The following CCSER1 variants were observed in gnomAD, a reference collection of about 807,000 sequenced individuals.
The protein encoded by CCSER1 is serine-rich coiled-coil domain-containing protein 1.
Under a neutral mutation model 82.0 loss-of-function variants are expected in CCSER1, and 41 were observed. The observed-to-expected ratio is 0.50, with a 90% CI of 0.39 to 0.65. CCSER1 has a LOEUF of 0.65. Among genes scored for constraint, CCSER1 ranks in the 30% least tolerant of loss-of-function variants. The pLI, the probability that CCSER1 is intolerant of heterozygous loss-of-function variation, is 0.00. For synonymous variants in CCSER1, 414 were observed against 383.9 expected (o/e 1.08, Z -0.92); for missense variants, 1,119 against 1,064.2 (o/e 1.05, Z -0.72).
chr4:90,620,374 C>G (rs1365091644), intron 5 of CCSER1, among the ~76,000 whole-genome samples: 1 of 151,990 alleles, frequency 6.6e-6, no homozygotes, highest in Non-Finnish European at 1.5e-5. Context: ...CTTGAGCTTT[C>G]CTATATATTA....
chr4:90,986,972 C>T (rs1457702209), intron 9 of CCSER1, among the ~76,000 whole-genome samples: 2 of 151,424 alleles, frequency 1.3e-5, no homozygotes, highest in South Asian at 2.1e-4. Flanking sequence ...GGGTTAGACA[C>T]GTACTGTACA....
chr4:90,330,154 C>T (rs1389328804), intron 3 of CCSER1, among the ~76,000 whole-genome samples: 1 of 152,118 alleles, frequency 6.6e-6, no homozygotes, highest in African/African-American at 2.4e-5. Context: ...TTGTAACACA[C>T]TCGAGTTTTT....
intron 9 of CCSER1, among the ~76,000 whole-genome samples, chr4:91,057,412 A>T (rs1743548707): frequency 6.6e-6 from 1 of 152,126 alleles, no homozygotes; most frequent in Non-Finnish European, 1.5e-5. Flanking sequence ...GTCGTTCCAG[A>T]ATCCTCCCTT....
intron 4 of CCSER1, among the ~76,000 whole-genome samples, chr4:90,432,076 G>A (rs1343846672): frequency 1.3e-5 from 2 of 152,028 alleles, no homozygotes; most frequent in Admixed American, 6.6e-5. Flanking sequence ...GAATAAATGT[G>A]TTCTGGCACA....
chr4:90,238,431 A>G (rs187504652), intron 1 of CCSER1, among the ~76,000 whole-genome samples: 21 of 152,348 alleles, frequency 1.4e-4, no homozygotes, highest in African/African-American at 4.3e-4. Flanking sequence ...TACAAATGGT[A>G]TTGAAGACTC....
At chr4:90,638,908 C>A (rs1382799295) in intron 6 of CCSER1, among the ~76,000 whole-genome samples, 1 of 152,048 alleles carries the variant, frequency 6.6e-6, no homozygotes, top group African/African-American at 2.4e-5. Flanking sequence ...AATCTCACTT[C>A]TGCCATTGTA....
At chr4:90,364,901 A>G (rs1166399897) in intron 3 of CCSER1, among the ~76,000 whole-genome samples, 6 of 151,518 alleles carry the variant, frequency 4.0e-5, no homozygotes. Context: ...TTTTTTTTTC[A>G]TTAATCCATA....
chr4:90,277,991 C>A (rs964775023), intron 1 of CCSER1, among the ~76,000 whole-genome samples: 3 of 151,882 alleles, frequency 2.0e-5, no homozygotes, highest in African/African-American at 7.3e-5. Context: ...AAGCAAAATT[C>A]AAAAACCCCC....
intron 8 of CCSER1, among the ~76,000 whole-genome samples, chr4:90,884,953 T>C (rs1721901492): frequency 6.6e-6 from 1 of 152,192 alleles, no homozygotes; most frequent in Admixed American, 6.6e-5. Context: ...AGAACATTTG[T>C]ATGATCTTTG....
At chr4:90,599,797 G>C (rs1001542429) in intron 5 of CCSER1, among the ~76,000 whole-genome samples, 3 of 152,156 alleles carry the variant, frequency 2.0e-5, no homozygotes, top group Admixed American at 6.5e-5. Flanking sequence ...AGTGATAAGT[G>C]TTAGGCACAC....
intron 4 of CCSER1, among the ~76,000 whole-genome samples, chr4:90,414,401 TAA>T (rs1755484053): frequency 6.6e-6 from 1 of 152,048 alleles, no homozygotes; most frequent in African/African-American, 2.4e-5. Flanking sequence ...CACAGGATTA[TAA>T]GTTTTTTACT....
At chr4:90,145,387 G>T (rs1725612691) in intron 1 of CCSER1, among the ~76,000 whole-genome samples, 1 of 152,092 alleles carries the variant, frequency 6.6e-6, no homozygotes, top group South Asian at 2.1e-4. Context: ...GTGTACTCCT[G>T]CCTGCTTTTT....
At chr4:91,386,322 A>T (rs1751284384) in intron 10 of CCSER1, among the ~76,000 whole-genome samples, 1 of 152,092 alleles carries the variant, frequency 6.6e-6, no homozygotes, top group Non-Finnish European at 1.5e-5. Context: ...TTAATCTCCA[A>T]ATAATTAAGG....
At chr4:90,418,038 T>C (rs1578376840) in intron 4 of CCSER1, among the ~76,000 whole-genome samples, 1 of 152,120 alleles carries the variant, frequency 6.6e-6, no homozygotes, top group South Asian at 2.1e-4. Context: ...GTTAAAAATA[T>C]GGATGCTGGC....
intron 10 of CCSER1, among the ~76,000 whole-genome samples, chr4:91,488,495 C>T (rs1157352100): frequency 1.3e-5 from 2 of 152,166 alleles, no homozygotes; most frequent in African/African-American, 4.8e-5. Flanking sequence ...TAATCCCCAG[C>T]ATTGGAGGAG....
intron 1 of CCSER1, among the ~76,000 whole-genome samples, chr4:90,197,495 C>T (rs756942951): frequency 3.9e-5 from 6 of 152,140 alleles, no homozygotes; most frequent in Non-Finnish European, 8.8e-5. Flanking sequence ...TTTGTTGCAG[C>T]ACTCTTAACA....
intron 10 of CCSER1, among the ~76,000 whole-genome samples, chr4:91,107,792 G>A (rs370660097): frequency 1.3e-5 from 2 of 152,098 alleles, no homozygotes; most frequent in African/African-American, 2.4e-5. Flanking sequence ...AAGGCACTGT[G>A]GTTAGGGAAG....
chr4:90,215,488 T>C (rs1195315237), intron 1 of CCSER1, among the ~76,000 whole-genome samples: 1 of 152,084 alleles, frequency 6.6e-6, no homozygotes, highest in Non-Finnish European at 1.5e-5. Context: ...TGAGTAAGCT[T>C]TCACTGTATA....
chr4:91,526,699 G>T (rs111309826), intron 10 of CCSER1, among the ~76,000 whole-genome samples: 54 of 152,046 alleles, frequency 3.6e-4, no homozygotes, highest in African/African-American at 1.0e-3. Flanking sequence ...CTGCCTCCTC[G>T]GTTCAAGCGA....
Sources: gnomAD v4.1 joint callset for allele counts (sites outside exome capture counted in the v4.1 genomes callset) on GRCh38, gnomAD v4.1.1 for gene constraint, MANE v1.5 for transcripts, NCBI Gene and HGNC (gene_info 2026-07-23, HGNC 2026-07-21) for gene names.